CRLS1: variants seen among roughly 807,000 people sequenced by gnomAD.
CRLS1 encodes the protein cardiolipin synthase (CMP-forming).
In CRLS1, 24 loss-of-function variants were observed where a neutral mutation model predicts 37.0. The observed-to-expected ratio is 0.65, with a 90% CI of 0.47 to 0.91. CRLS1 has a LOEUF of 0.91. CRLS1 is among the 40% of genes least tolerant of loss of function. The probability of loss-of-function intolerance (pLI) is 0.00; values close to 1 mark genes in which losing one functional copy is unlikely to be tolerated. For missense variants in CRLS1, 373 were observed against 395.8 expected (o/e 0.94, Z 0.49); for synonymous variants, 135 against 159.7 (o/e 0.85, Z 1.17).
intron 1 of CRLS1, 148 bp downstream of exon 1, chr20:6,006,700 T>C: frequency 8.3e-7 from 1 of 1,210,302 alleles, no homozygotes; most frequent in South Asian, 4.2e-5. Flanking sequence ...TGGCAGGTCA[T>C]TCGGTCGGGA....
chr20:6,006,780 C>G lies in CRLS1; in HGVS notation c.306+228C>G, dbSNP rs575842177. 5.1e-6 allele frequency: 5 copies of G among 985,412 alleles called. No individual in the cohort carries two copies. The African/African-American group carries it at 8.7e-5, about 17-fold the overall frequency. 61.0% of individuals were successfully genotyped at this position (985,412 alleles called of 1,614,324 possible). A position where few individuals can be genotyped will look rare whatever the true frequency, so the allele number is the denominator to read the frequency against. ...TCAAGTTAGAAATCCTCTCATCCCC[C>G]TTCTATCTGCACCCGTTGCTGGAAG... On this transcript the variant is annotated intron_variant, in intron 1 of 6. Transcript: ENST00000378863.
intron 3 of CRLS1, among the ~76,000 whole-genome samples, chr20:6,030,727 A>G (rs1206606277): frequency 6.6e-6 from 1 of 152,172 alleles, no homozygotes; most frequent in African/African-American, 2.4e-5. Context: ...TCAAAAAAAA[A>G]AAAATTCTGT....
chr20:6,009,198 C>T (rs1260827717), intron 1 of CRLS1, among the ~76,000 whole-genome samples: 2 of 152,022 alleles, frequency 1.3e-5, no homozygotes, highest in Non-Finnish European at 2.9e-5. Flanking sequence ...TGGCGGGCAC[C>T]TGTAATCCCA....
chr20:6,008,311 A>G (rs1404419891), intron 1 of CRLS1, among the ~76,000 whole-genome samples: 1 of 152,024 alleles, frequency 6.6e-6, no homozygotes, highest in African/African-American at 2.4e-5. Context: ...CACAGCGGAG[A>G]AAAAAAATCT....
intron 3 of CRLS1, among the ~76,000 whole-genome samples, chr20:6,020,798 A>AT (rs768464432): frequency 0.58 from 80,631 of 139,448 alleles, 22,733 homozygotes; most frequent in South Asian, 0.64. Flanking sequence ...AATTTTTTGT[A>AT]TTTTTTTTTT....
intron 6 of CRLS1, among the ~76,000 whole-genome samples, chr20:6,036,119 T>G (rs1423486588): frequency 1.3e-5 from 2 of 152,118 alleles, no homozygotes; most frequent in East Asian, 3.9e-4. Context: ...ATTTTTTGTA[T>G]TATTATTTTT....
At chr20:6,009,170 A>G (rs1196561626) in intron 1 of CRLS1, among the ~76,000 whole-genome samples, 1 of 152,094 alleles carries the variant, frequency 6.6e-6, no homozygotes, top group African/African-American at 2.4e-5. Flanking sequence ...TAAAAATACA[A>G]AAATTAGCTG....
Position 6,038,122 on chromosome 20 carries a change from C to T in CRLS1, c.*964C>T, listed in dbSNP as rs981715978. ...CGTAAGTTTTCCGATTCACAGAGTC[C>T]ATTCATGTACATCACTTACACTTAA... On this transcript the variant is annotated 3_prime_UTR_variant, in exon 7 of 7. Transcript: ENST00000378863. The T allele has an allele frequency of 1.3e-5, 2 of 152,150 alleles. No homozygotes were observed. The highest frequency in any genetic ancestry group is 4.8e-5 in the African/African-American group (2 of 41,428). 9.4% of individuals were successfully genotyped at this position (152,150 alleles called of 1,614,324 possible).
Position 6,037,066 on chromosome 20 carries a change from C to A in CRLS1, c.822-8C>A. On this transcript the variant is annotated splice_region_variant and splice_polypyrimidine_tract_variant and intron_variant, in intron 6 of 6. Transcript: ENST00000378863. The stretch of plus-strand genomic sequence containing the variant: ...CAACTACATTTTATTTCTTTTCTTC[C>A]ATAAAAGGTGTTTTACAGCTTTCAC... 1 of 1,600,996 alleles carries A rather than the reference C, an allele frequency of 6.2e-7. No individual in the cohort carries two copies. Among genetic ancestry groups the A allele is most frequent in the Non-Finnish European group, 8.5e-7 (1 of 1,170,206 alleles).
At position 6,037,652 on chromosome 20, in the gene CRLS1, T is replaced by A. The variant is rs2123039222; in HGVS notation, c.*494T>A. On this transcript the variant is annotated 3_prime_UTR_variant, in exon 7 of 7. Transcript: ENST00000378863. The stretch of plus-strand genomic sequence containing the variant: ...ATTAATACCTGATCATTTGGGATAA[T>A]GAAAGTGAAGTTAGTTGTAGATGAA... 6.6e-6 allele frequency: 1 copy of A among 152,374 alleles called. No individual in the cohort carries two copies. The highest frequency in any genetic ancestry group is 2.4e-5 in the African/African-American group (1 of 41,582). The allele number at this position is 152,374 out of a possible 1,614,324, so 9.4% of individuals were successfully genotyped here. A position where few individuals can be genotyped will look rare whatever the true frequency, so the allele number is the denominator to read the frequency against.
At chr20:6,012,257 G>T (rs137969337) in intron 2 of CRLS1, among the ~76,000 whole-genome samples, 1 of 152,146 alleles carries the variant, frequency 6.6e-6, no homozygotes, top group Non-Finnish European at 1.5e-5. Context: ...GTCTGATTGC[G>T]TTGTGTGTGG....
At chr20:6,006,681 A>T (rs1481299364) in intron 1 of CRLS1, 129 bp downstream of exon 1, 1 of 1,209,794 alleles carries the variant, frequency 8.3e-7, no homozygotes, top group East Asian at 3.4e-5. Context: ...TTCCCTGAAA[A>T]GAAGTTACTG....
intron 3 of CRLS1, among the ~76,000 whole-genome samples, chr20:6,027,336 C>T (rs568968585): frequency 6.6e-6 from 1 of 152,034 alleles, no homozygotes; most frequent in East Asian, 1.9e-4. Context: ...CCACCTGCCT[C>T]GGCCTCCCAA....
At chr20:6,034,271 G>A (rs117802504) in intron 5 of CRLS1, among the ~76,000 whole-genome samples, 193 bp from the exon 6 acceptor site, 5 of 152,340 alleles carry the variant, frequency 3.3e-5, no homozygotes, top group Non-Finnish European at 7.3e-5. Flanking sequence ...AGATGGGTCA[G>A]TTAGTGAAGC....
intron 3 of CRLS1, among the ~76,000 whole-genome samples, chr20:6,020,467 G>A (rs1226439270): frequency 1.3e-5 from 2 of 151,996 alleles, no homozygotes; most frequent in African/African-American, 4.8e-5. Context: ...ATAACCTTGT[G>A]TTCAGAGAAC....
intron 2 of CRLS1, among the ~76,000 whole-genome samples, chr20:6,013,222 CTTTTT>C (rs10574006): frequency 7.7e-6 from 1 of 129,044 alleles, no homozygotes; most frequent in Non-Finnish European, 1.6e-5. Flanking sequence ...TTTGTTTGGC[CTTTTT>C]TTTTTTTTTT....
chr20:6,031,114 A>G, intron 3 of CRLS1, 171 bp from the exon 4 acceptor site: 1 of 464,602 alleles, frequency 2.2e-6, no homozygotes, highest in Non-Finnish European at 3.7e-6. Flanking sequence ...GAATATAAAA[A>G]TCAGTAGTTT....
At chr20:6,028,226 T>C (rs756997337) in intron 3 of CRLS1, 17 of 152,124 alleles carry the variant, frequency 1.1e-4, no homozygotes, top group Non-Finnish European at 2.5e-4. Context: ...TTCGCTAGAA[T>C]AATAAATCAT....
Position 6,039,438 on chromosome 20 carries a change from T to A in CRLS1, c.*2280T>A, listed in dbSNP as rs764423662. The A allele has an allele frequency of 6.6e-6, 1 of 152,154 alleles. No homozygotes were observed. The highest frequency in any genetic ancestry group is 1.5e-5 in the Non-Finnish European group (1 of 68,016). The allele number at this position is 152,154 out of a possible 1,614,324, so 9.4% of individuals were successfully genotyped here. A position where few individuals can be genotyped will look rare whatever the true frequency, so the allele number is the denominator to read the frequency against. ...ATGAAACTAGGGATCTACCTTAAAGTTTTGGGAAGCTCTTTCAAAACTTCA... is the reference window on the plus strand; with the variant it reads ...ATGAAACTAGGGATCTACCTTAAAGATTTGGGAAGCTCTTTCAAAACTTCA... On this transcript the variant is annotated 3_prime_UTR_variant, in exon 7 of 7. Coordinates refer to ENST00000378863, the MANE Select transcript of CRLS1 (RefSeq NM_019095.6).
Sources: allele counts gnomAD v4.1 joint callset (sites outside exome capture counted in the v4.1 genomes callset), GRCh38; gene constraint gnomAD v4.1.1; transcripts MANE v1.5; gene names NCBI Gene and HGNC (gene_info 2026-07-23, HGNC 2026-07-21).